DOK6: variants seen among roughly 807,000 people sequenced by gnomAD.
The protein encoded by DOK6 is downstream of tyrosine kinase 6.
In DOK6, 22 loss-of-function variants were observed where a neutral mutation model predicts 44.0. The observed-to-expected ratio is 0.50, with a 90% CI of 0.36 to 0.71. The LOEUF (loss-of-function observed/expected upper bound fraction) is 0.71. DOK6 is among the 30% of genes least tolerant of loss of function. DOK6 has a pLI of 0.00. For synonymous variants in DOK6, 166 were observed against 145.5 expected (o/e 1.14, Z -1.01); for missense variants, 340 against 416.4 (o/e 0.82, Z 1.60).
At chr18:69,610,909 C>T (rs145171331) in intron 3 of DOK6, among the ~76,000 whole-genome samples, 284 of 151,888 alleles carry the variant, frequency 1.9e-3, no homozygotes, top group East Asian at 0.012. Context: ...CAATCCCCTA[C>T]GTATGGATAT....
Position 69,823,180 on chromosome 18 carries a change from T to C in DOK6, c.857-18064T>C, listed in dbSNP as rs115128895. Among the ~76,000 whole-genome samples the C allele has an allele frequency of 5.9e-3, 892 of 152,292 alleles. 6 individuals are homozygous for C. The highest frequency in any genetic ancestry group is 0.021 in the African/African-American group (860 of 41,570). On this transcript the variant is annotated intron_variant, in intron 7 of 7. Transcript: ENST00000382713. ...TTGAGTGCCTGCTGTGTGCCTGGCA[T>C]TTCACAAGGCTCCAAAGACACAAAA...
Position 69,739,061 on chromosome 18 carries a change from G to A in DOK6, c.696G>A (p.Glu232=), listed in dbSNP as rs1469150079. ...ATTCTGCGACACTGGCCATAGCTGAGCAACATGAAAGATTAATGCTAGAAA... is the reference window on the plus strand; with the variant it reads ...ATTCTGCGACACTGGCCATAGCTGAACAACATGAAAGATTAATGCTAGAAA... ...KVHSATLAIA[E]QHERLMLEME... Residue 232 remains glutamate (E), a synonymous_variant, in exon 6 of 8, where the codon GAG becomes GAA. Coordinates refer to ENST00000382713, the MANE Select transcript of DOK6 (RefSeq NM_152721.6). The A allele has an allele frequency of 1.9e-6, 3 of 1,614,086 alleles. No individual in the cohort carries two copies. The highest frequency in any genetic ancestry group is 2.2e-5 in the South Asian group (2 of 91,082).
chr18:69,498,996 C>A (rs1980974677), intron 1 of DOK6, among the ~76,000 whole-genome samples: 1 of 152,140 alleles, frequency 6.6e-6, no homozygotes, highest in African/African-American at 2.4e-5. Flanking sequence ...GGCTCTGTAA[C>A]TATAGAGATT....
intron 3 of DOK6, among the ~76,000 whole-genome samples, chr18:69,612,743 T>C (rs1984190504): frequency 1.3e-5 from 2 of 152,218 alleles, no homozygotes; most frequent in South Asian, 4.1e-4. Context: ...TACCCCTGTA[T>C]TCCTAGCACC....
chr18:69,472,902 T>G (rs1980155603), intron 1 of DOK6, among the ~76,000 whole-genome samples: 1 of 152,210 alleles, frequency 6.6e-6, no homozygotes, highest in Non-Finnish European at 1.5e-5. Flanking sequence ...TCATATCATG[T>G]TGTTGTATGT....
chr18:69,677,827 C>T lies in DOK6; in HGVS notation c.383C>T (p.Ala128Val), dbSNP rs1417394627. 1 of 1,613,730 alleles carries T rather than the reference C, an allele frequency of 6.2e-7. No individual in the cohort carries two copies. The highest frequency in any genetic ancestry group is 1.7e-5 in the Admixed American group (1 of 60,002). Residue 128 changes from alanine to valine, a missense_variant, in exon 4 of 8, where the codon GCC becomes GTC. Ala to Val is a moderately conservative substitution (Grantham distance 64). Transcript: ENST00000382713. Reference sequence around the variant, plus strand: ...AGCCTTGGGGAGCCCGACCTTCTGGCCGCAGGAGTGCAGCGGGAACAGAAT... The same window carrying T: ...AGCCTTGGGGAGCCCGACCTTCTGGTCGCAGGAGTGCAGCGGGAACAGAAT... The part of the protein sequence containing the change: ...DISLGEPDLL[A>V]AGVQREQNER...
intron 3 of DOK6, among the ~76,000 whole-genome samples, chr18:69,637,492 C>T (rs898590669): frequency 6.6e-6 from 1 of 152,254 alleles, no homozygotes; most frequent in Middle Eastern, 3.4e-3. Context: ...CTCCTTCCCC[C>T]GCAAATGTTT....
intron 1 of DOK6, among the ~76,000 whole-genome samples, chr18:69,432,459 AG>A (rs1462292714): frequency 5.4e-5 from 8 of 148,000 alleles, no homozygotes; most frequent in African/African-American, 1.9e-4. Flanking sequence ...AAGAGAAAAA[AG>A]TTTGCCATTC....
intron 1 of DOK6, among the ~76,000 whole-genome samples, chr18:69,405,186 T>C (rs1916179441): frequency 6.6e-6 from 1 of 152,190 alleles, no homozygotes; most frequent in Non-Finnish European, 1.5e-5. Context: ...GACACCTCCA[T>C]TCCTGGCTTA....
chr18:69,749,031 T>C (rs1979081024), intron 6 of DOK6, among the ~76,000 whole-genome samples: 1 of 152,088 alleles, frequency 6.6e-6, no homozygotes, highest in African/African-American at 2.4e-5. Flanking sequence ...GGAAAGCCAT[T>C]ATCCCCAGCA....
At chr18:69,611,018 T>C (rs1984125785) in intron 3 of DOK6, among the ~76,000 whole-genome samples, 1 of 151,678 alleles carries the variant, frequency 6.6e-6, no homozygotes, top group Non-Finnish European at 1.5e-5. Flanking sequence ...GTGAGGTGGA[T>C]GGAAAAGGAA....
intron 7 of DOK6, among the ~76,000 whole-genome samples, chr18:69,767,762 T>C (rs1979763707): frequency 6.6e-6 from 1 of 152,234 alleles, no homozygotes. Context: ...TTCTACTGGC[T>C]GGACTAGAGG....
intron 7 of DOK6, among the ~76,000 whole-genome samples, chr18:69,791,708 C>G (rs866075613): frequency 1.3e-5 from 2 of 152,018 alleles, no homozygotes; most frequent in African/African-American, 4.8e-5. Flanking sequence ...TGAATTGTCT[C>G]TTTACTTTGT....
intron 1 of DOK6, among the ~76,000 whole-genome samples, chr18:69,523,279 G>T (rs1256829274): frequency 6.6e-6 from 1 of 151,962 alleles, no homozygotes; most frequent in Non-Finnish European, 1.5e-5. Flanking sequence ...TCATCTAAAA[G>T]AATGATTTTG....
At chr18:69,771,411 T>C (rs1979883103) in intron 7 of DOK6, among the ~76,000 whole-genome samples, 1 of 152,086 alleles carries the variant, frequency 6.6e-6, no homozygotes, top group African/African-American at 2.4e-5. Context: ...TAACCATTGC[T>C]CTATTGTTTA....
At chr18:69,434,878 C>T (rs994100080) in intron 1 of DOK6, among the ~76,000 whole-genome samples, 3 of 140,508 alleles carry the variant, frequency 2.1e-5, no homozygotes, top group Non-Finnish European at 4.5e-5. Flanking sequence ...GCCGTGATCA[C>T]GCCACTGCAC....
chr18:69,537,980 A>G (rs1982167207), intron 1 of DOK6, among the ~76,000 whole-genome samples: 1 of 152,152 alleles, frequency 6.6e-6, no homozygotes, highest in Admixed American at 6.5e-5. Flanking sequence ...TTTAAAAAGG[A>G]CTTGTATCCA....
chr18:69,456,778 G>C (rs1979644465), intron 1 of DOK6, among the ~76,000 whole-genome samples: 1 of 152,162 alleles, frequency 6.6e-6, no homozygotes, highest in Non-Finnish European at 1.5e-5. Flanking sequence ...AAGTGTATAA[G>C]TGTTCCCTTT....
chr18:69,638,959 G>C (rs1192966623), intron 3 of DOK6, among the ~76,000 whole-genome samples: 1 of 152,128 alleles, frequency 6.6e-6, no homozygotes, highest in Non-Finnish European at 1.5e-5. Context: ...TTTCTCATTT[G>C]ATATTTATAA....
Sources: gnomAD v4.1 joint callset for allele counts (sites outside exome capture counted in the v4.1 genomes callset) on GRCh38, gnomAD v4.1.1 for gene constraint, MANE v1.5 for transcripts, NCBI Gene and HGNC (gene_info 2026-07-23, HGNC 2026-07-21) for gene names.